Variants in MELK observed in about 807,000 individuals in gnomAD.
MELK encodes the protein pEg3 kinase.
In MELK, 81 loss-of-function variants were observed where a neutral mutation model predicts 85.0. The ratio of observed to expected loss-of-function variants is 0.95; its 90% confidence interval spans 0.80 to 1.15. MELK has a LOEUF of 1.15. MELK is among the 50% of genes most tolerant of loss of function. The pLI is 0.00. For synonymous variants in MELK, 252 were observed against 265.0 expected (o/e 0.95, Z 0.48); for missense variants, 754 against 777.5 (o/e 0.97, Z 0.36).
chr9:36,619,807 C>T (rs1056716072), intron 8 of MELK, among the ~76,000 whole-genome samples: 3 of 150,800 alleles, frequency 2.0e-5, no homozygotes, highest in Non-Finnish European at 4.4e-5. Flanking sequence ...TGGTTTAATT[C>T]TTTCTGCTTT....
intron 10 of MELK, 21 bp downstream of exon 10, chr9:36,633,221 T>C (rs756205353): frequency 6.4e-7 from 1 of 1,563,132 alleles, no homozygotes; most frequent in South Asian, 1.2e-5. Context: ...TGAAATCCAG[T>C]AGAATTTTTT....
intron 6 of MELK, among the ~76,000 whole-genome samples, chr9:36,598,983 C>T (rs1052064612): frequency 1.3e-5 from 2 of 152,102 alleles, no homozygotes; most frequent in Admixed American, 6.6e-5. Context: ...CATCTAGCTT[C>T]TCTTTGCTTG....
intron 15 of MELK, 59 bp downstream of exon 15, chr9:36,669,465 T>A: frequency 8.1e-7 from 1 of 1,232,632 alleles, no homozygotes; most frequent in Non-Finnish European, 1.1e-6. Context: ...ATTTCCTTTT[T>A]CATGTATTAA....
At chr9:36,664,309 C>G (rs1554740976) in intron 13 of MELK, among the ~76,000 whole-genome samples, 1 of 151,962 alleles carries the variant, frequency 6.6e-6, no homozygotes, top group Non-Finnish European at 1.5e-5. Flanking sequence ...GCTCATAGTG[C>G]TTGTGTCTTT....
intron 10 of MELK, among the ~76,000 whole-genome samples, chr9:36,637,681 T>C (rs914974786): frequency 6.6e-6 from 1 of 152,204 alleles, no homozygotes; most frequent in Middle Eastern, 3.2e-3. Context: ...TGTGGGGTAT[T>C]TGCTTTCTGG....
At chr9:36,596,562 T>G (rs1824269999) in intron 5 of MELK, among the ~76,000 whole-genome samples, 1 of 113,744 alleles carries the variant, frequency 8.8e-6, no homozygotes, top group African/African-American at 5.2e-5. Flanking sequence ...CGGCCCTTTT[T>G]GTTTTTTTTG....
At chr9:36,673,012 C>T (rs1164580222) in intron 16 of MELK, among the ~76,000 whole-genome samples, 4 of 151,964 alleles carry the variant, frequency 2.6e-5, no homozygotes, top group Admixed American at 6.6e-5. Context: ...ATACACTTAC[C>T]GGAAGAGTTG....
intron 8 of MELK, among the ~76,000 whole-genome samples, chr9:36,615,570 T>C (rs866485098): frequency 1.2e-3 from 145 of 123,396 alleles, no homozygotes; most frequent in African/African-American, 5.0e-3. Flanking sequence ...GGGTGGCTGC[T>C]GGGCGGAGAG....
intron 3 of MELK, among the ~76,000 whole-genome samples, chr9:36,585,019 T>C (rs1822730749): frequency 6.6e-6 from 1 of 152,162 alleles, no homozygotes; most frequent in Non-Finnish European, 1.5e-5. Flanking sequence ...GTACTTGGCC[T>C]GTCCCAGCAT....
intron 14 of MELK, among the ~76,000 whole-genome samples, chr9:36,667,147 T>C (rs1216654603): frequency 1.3e-5 from 2 of 149,408 alleles, no homozygotes; most frequent in Non-Finnish European, 2.9e-5. Flanking sequence ...TTTTTTCCCC[T>C]TTTTTTCTTT....
At chr9:36,667,561 G>A (rs1236444539) in intron 14 of MELK, among the ~76,000 whole-genome samples, 1 of 152,094 alleles carries the variant, frequency 6.6e-6, no homozygotes, top group African/African-American at 2.4e-5. Flanking sequence ...GGGTAGTTTG[G>A]AATTTATTTT....
At chr9:36,672,160 T>C (rs916958402) in intron 16 of MELK, among the ~76,000 whole-genome samples, 4 of 152,240 alleles carry the variant, frequency 2.6e-5, no homozygotes, top group African/African-American at 9.6e-5. Context: ...ATTTCTGTTC[T>C]GTCTTAAAGT....
At position 36,651,823 on chromosome 9, in the gene MELK, G is replaced by C; in HGVS notation, c.999G>C (p.Arg333Ser). ...CTCGGGGAAAACCAGTTCGTTTAAG[G>C]CTTTCTTCTTTCTCCTGTGGACAAG... ...KKARGKPVRL[R>S]LSSFSCGQAS... The change falls in exon 12 of 18, where the codon AGG (arginine) becomes AGC (serine). Residue 333 changes from arginine to serine, a missense_variant. Arg to Ser is a moderately radical substitution (Grantham distance 110, BLOSUM62 -1). Transcript: ENST00000298048. 1 of 1,613,956 alleles carries C rather than the reference G, an allele frequency of 6.2e-7. No homozygotes were observed. Among genetic ancestry groups the C allele is most frequent in the Non-Finnish European group, 8.5e-7 (1 of 1,179,972 alleles).
chr9:36,668,412 C>A (rs947974071), intron 14 of MELK, among the ~76,000 whole-genome samples: 1 of 152,134 alleles, frequency 6.6e-6, no homozygotes, highest in Non-Finnish European at 1.5e-5. Flanking sequence ...TAACCAGATT[C>A]GTTAGTACAA....
chr9:36,579,920 C>G lies in MELK; in HGVS notation c.-38-1724C>G, dbSNP rs373492464. Among the ~76,000 whole-genome samples the G allele has an allele frequency of 2.6e-4, 40 of 151,804 alleles. No individual in the cohort carries two copies. In the South Asian group the frequency reaches 8.1e-3, roughly 31 times the overall value. On this transcript the variant is annotated intron_variant, in intron 1 of 17. Transcript: ENST00000298048. ...GATGTATAATTAACAGTATATGTAACCCACATAAGTTGTGAAGCATAATAA... is the reference window on the plus strand; with the variant it reads ...GATGTATAATTAACAGTATATGTAAGCCACATAAGTTGTGAAGCATAATAA...
In MELK at chr9:36,674,812, T is replaced by C. The variant is rs371597613; in HGVS notation, c.1675-22T>C. The C allele has an allele frequency of 1.0e-5, 15 of 1,444,134 alleles. No homozygotes were observed. In the African/African-American group the frequency reaches 2.1e-4, roughly 20 times the overall value. The allele number at this position is 1,444,134 out of a possible 1,614,324, so 89.5% of individuals were successfully genotyped here. On this transcript the variant is annotated intron_variant, in intron 16 of 17. Coordinates refer to ENST00000298048, the MANE Select transcript of MELK (RefSeq NM_014791.4). The stretch of plus-strand genomic sequence containing the variant: ...TGTTGATGTAAAAATTTACTTCTCA[T>C]CTCTTCTTTTTCTTTTCTTAGCTTC...
At chr9:36,581,614 T>C in intron 1 of MELK, 30 bp from the exon 2 acceptor site, 1 of 1,109,318 alleles carries the variant, frequency 9.0e-7, no homozygotes, top group Admixed American at 2.0e-5. Flanking sequence ...TATTATTTCC[T>C]TTATTGATTA....
Position 36,659,710 on chromosome 9 carries a change from A to G in MELK, c.1176+2347A>G, listed in dbSNP as rs1246141154. On this transcript the variant is annotated intron_variant, in intron 13 of 17. Coordinates refer to ENST00000298048, the MANE Select transcript of MELK (RefSeq NM_014791.4). The stretch of plus-strand genomic sequence containing the variant: ...GCAACTTTCAGCCAGGCAGCTGACA[A>G]CTCTGCATTAGATTTCATTTCCTAT... Among the ~76,000 whole-genome samples the G allele has an allele frequency of 3.9e-5, 6 of 152,274 alleles. 1 individual carries two copies. The East Asian group carries it at 9.6e-4, about 24-fold the overall frequency.
At chr9:36,618,405 C>CAAAAA (rs367884644) in intron 8 of MELK, among the ~76,000 whole-genome samples, 1 of 68,798 alleles carries the variant, frequency 1.5e-5, no homozygotes. Context: ...AGAGGCTCCT[C>CAAAAA]AAAAAAAAAA....
Sources: allele counts gnomAD v4.1 joint callset (sites outside exome capture counted in the v4.1 genomes callset), GRCh38; gene constraint gnomAD v4.1.1; transcripts MANE v1.5; gene names NCBI Gene and HGNC (gene_info 2026-07-23, HGNC 2026-07-21).